UGGT1: variants seen among roughly 807,000 people sequenced by gnomAD.
The protein encoded by UGGT1 is UDP-glucose:glycoprotein glucosyltransferase 1.
In UGGT1, 107 loss-of-function variants were observed where a neutral mutation model predicts 203.9. The ratio of observed to expected loss-of-function variants is 0.52; its 90% confidence interval spans 0.45 to 0.62. UGGT1 has a LOEUF of 0.62. Ranked by LOEUF, UGGT1 falls within the 20% of genes least tolerant of loss-of-function variation. The pLI, the probability that UGGT1 is intolerant of heterozygous loss-of-function variation, is 0.00. For synonymous variants in UGGT1, 628 were observed against 653.5 expected (o/e 0.96, Z 0.59); for missense variants, 1,673 against 1,867.2 (o/e 0.90, Z 1.92).
At chr2:128,167,609 A>G (rs539693645) in intron 26 of UGGT1, among the ~76,000 whole-genome samples, 11 of 152,226 alleles carry the variant, frequency 7.2e-5, no homozygotes, top group Admixed American at 5.9e-4. Context: ...TACTAAGCAC[A>G]GTATTCGTTG....
At chr2:128,097,340 A>C in intron 1 of UGGT1, 89 bp from the exon 2 acceptor site, 1 of 1,458,598 alleles carries the variant, frequency 6.9e-7, no homozygotes, top group Non-Finnish European at 9.2e-7. Context: ...GCACCACTGC[A>C]CTCCAGCCTG....
chr2:128,102,409 G>A (rs1260904142), intron 2 of UGGT1, among the ~76,000 whole-genome samples: 2 of 152,124 alleles, frequency 1.3e-5, no homozygotes, highest in East Asian at 3.9e-4. Flanking sequence ...CTCCCAAAGT[G>A]CTGGGATTAC....
rs999775570 is a variant in UGGT1 at position 128,176,882 on chromosome 2, A to G, written c.3608A>G (p.Lys1203Arg). The G allele has an allele frequency of 2.1e-5, 34 of 1,613,978 alleles. 1 individual carries two copies. Among genetic ancestry groups the G allele is most frequent in the Admixed American group, 1.2e-4 (7 of 59,990 alleles). Residue 1203 changes from lysine (K) to arginine (R), a missense_variant, in exon 32 of 41, where the codon AAA becomes AGA. Around this residue, in one of 4 missense-constraint regions of UGGT1, gnomAD observed 513 missense variants for 684.1 expected, o/e 0.75. Transcript: ENST00000259253. Reference protein sequence around the residue: ...VVIVLNNFKSKIIKVKVQKKA... With the variant: ...VVIVLNNFKSRIIKVKVQKKA... ...ATCGTCCTCAACAACTTCAAAAGCA[A>G]AATTATTAAAGTGAAGGTGAGTTTG...
rs377124480 is a variant in UGGT1 at position 128,091,226 on chromosome 2, G to T, written c.-132G>T. Reference sequence around the variant, plus strand: ...GCTGGGCAATTGCTTTGCGAGGCTGGGTGTTGAGTCGAGCCGCGGGAAAGG... The same window carrying T: ...GCTGGGCAATTGCTTTGCGAGGCTGTGTGTTGAGTCGAGCCGCGGGAAAGG... On this transcript the variant is annotated 5_prime_UTR_variant, in exon 1 of 41. Transcript: ENST00000259253. 8.0e-6 allele frequency: 8 copies of T among 994,894 alleles called. No homozygotes were observed. Among genetic ancestry groups the T allele is most frequent in the East Asian group, 6.2e-5 (2 of 32,054 alleles). The allele number at this position is 994,894 out of a possible 1,614,324, so 61.6% of individuals were successfully genotyped here.
intron 19 of UGGT1, among the ~76,000 whole-genome samples, chr2:128,154,614 C>T (rs958711334): frequency 2.6e-5 from 4 of 152,174 alleles, no homozygotes; most frequent in East Asian, 1.9e-4. Flanking sequence ...CCTTCCCCCA[C>T]GTGATATCAT....
chr2:128,110,520 A>G (rs1312741809), intron 5 of UGGT1, among the ~76,000 whole-genome samples: 3 of 152,314 alleles, frequency 2.0e-5, no homozygotes, highest in East Asian at 1.9e-4. Context: ...ACATTCAGAA[A>G]TGGCTGCATG....
intron 1 of UGGT1, among the ~76,000 whole-genome samples, chr2:128,093,157 C>G (rs1686949029): frequency 2.0e-5 from 3 of 152,082 alleles, no homozygotes; most frequent in African/African-American, 7.2e-5. Flanking sequence ...CTCCTTTTTT[C>G]ATCTCAAATG....
chr2:128,164,374 G>C (rs1690677610), intron 25 of UGGT1, among the ~76,000 whole-genome samples: 3 of 152,222 alleles, frequency 2.0e-5, no homozygotes, highest in Admixed American at 2.0e-4. Context: ...TTATTTTCCA[G>C]TGAATTATTA....
intron 39 of UGGT1, 26 bp from the exon 40 acceptor site, chr2:128,187,423 T>A (rs760381731): frequency 6.2e-7 from 1 of 1,607,362 alleles, no homozygotes; most frequent in South Asian, 1.1e-5. Flanking sequence ...TCAACTCAGC[T>A]GAAGTGTGTT....
At chr2:128,116,517 A>G (rs1287921349) in intron 8 of UGGT1, among the ~76,000 whole-genome samples, 174 bp downstream of exon 8, 1 of 151,852 alleles carries the variant, frequency 6.6e-6, no homozygotes, top group African/African-American at 2.4e-5. Flanking sequence ...AGTACAGTTT[A>G]TGATTTCACA....
Position 128,164,793 on chromosome 2 carries a change from A to G in UGGT1, c.2889A>G (p.Arg963=). The change falls in exon 26 of 41, where the codon AGA becomes AGG. Residue 963 remains arginine (R), a synonymous_variant. Coordinates refer to ENST00000259253, the MANE Select transcript of UGGT1 (RefSeq NM_020120.4). Reference sequence around the variant, plus strand: ...CAGCGCAACCAAAAGGAGATCCAAGAATCGAGTACCAGTTTTTTGAAGACA... The same window carrying G: ...CAGCGCAACCAAAAGGAGATCCAAGGATCGAGTACCAGTTTTTTGAAGACA... The part of the protein sequence containing the change: ...LLSAQPKGDP[R]IEYQFFEDRH... 6.2e-7 allele frequency: 1 copy of G among 1,609,318 alleles called. No homozygotes were observed. The highest frequency in any genetic ancestry group is 1.1e-5 in the South Asian group (1 of 90,060).
At chr2:128,168,875 C>T (rs1041661922) in intron 26 of UGGT1, among the ~76,000 whole-genome samples, 3 of 150,500 alleles carry the variant, frequency 2.0e-5, no homozygotes, top group African/African-American at 7.3e-5. Context: ...GGCAAAACAC[C>T]GTCTCTACTA....
chr2:128,097,159 G>A lies in UGGT1; in HGVS notation c.59-270G>A, dbSNP rs1023862316. 1.3e-5 allele frequency among the ~76,000 whole-genome samples: 2 copies of A among 152,184 alleles called. 1 individual carries two copies. Among genetic ancestry groups the A allele is most frequent in the South Asian group, 4.2e-4 (2 of 4,808 alleles). On this transcript the variant is annotated intron_variant, in intron 1 of 40. Coordinates refer to ENST00000259253, the MANE Select transcript of UGGT1 (RefSeq NM_020120.4). ...TGGGAGGCTGAGGCGGGCAGATCACGAGGTCAGGAGTTTGAGACCAGCCTG... is the reference window on the plus strand; with the variant it reads ...TGGGAGGCTGAGGCGGGCAGATCACAAGGTCAGGAGTTTGAGACCAGCCTG...
intron 2 of UGGT1, among the ~76,000 whole-genome samples, chr2:128,100,275 G>T (rs1450134303): frequency 6.6e-6 from 1 of 152,152 alleles, no homozygotes; most frequent in Non-Finnish European, 1.5e-5. Context: ...CTGACCTCAG[G>T]TGATCTGCCC....
At position 128,174,295 on chromosome 2, in the gene UGGT1, C is replaced by A. The variant is rs185022587; in HGVS notation, c.3453+356C>A. ...GCAGATGATTTATTGGTGTGACTGG[C>A]CTTTATTGTACTAGTTTTTTTTTTT... On this transcript the variant is annotated intron_variant, in intron 30 of 40. Transcript: ENST00000259253. 3.0e-4 allele frequency among the ~76,000 whole-genome samples: 46 copies of A among 151,646 alleles called. 1 individual carries two copies. The highest frequency in any genetic ancestry group is 2.7e-3 in the Admixed American group (41 of 15,218).
intron 12 of UGGT1, among the ~76,000 whole-genome samples, chr2:128,128,025 G>A (rs752167526): frequency 6.6e-6 from 1 of 151,994 alleles, no homozygotes; most frequent in Non-Finnish European, 1.5e-5. Context: ...AGTGAGCTGA[G>A]ATTGCACCCC....
intron 6 of UGGT1, among the ~76,000 whole-genome samples, chr2:128,113,578 C>T (rs1053487769): frequency 6.6e-6 from 1 of 152,128 alleles, no homozygotes; most frequent in African/African-American, 2.4e-5. Flanking sequence ...GTTTCCTTTC[C>T]AACCTTTTTT....
intron 13 of UGGT1, 70 bp downstream of exon 13, chr2:128,129,249 T>A: frequency 6.6e-7 from 1 of 1,519,680 alleles, no homozygotes; most frequent in Non-Finnish European, 8.8e-7. Flanking sequence ...CTGATTTGTC[T>A]CTTATGAGGG....
At position 128,143,075 on chromosome 2, in the gene UGGT1, C is replaced by A. The variant is rs1443574698; in HGVS notation, c.1720-19C>A. On this transcript the variant is annotated intron_variant, in intron 16 of 40. Coordinates refer to ENST00000259253, the MANE Select transcript of UGGT1 (RefSeq NM_020120.4). Reference sequence around the variant, plus strand: ...TGAACTTAAAAGTGTAGTTAACCAACTGTTTTTTCTTTCTTCAGATCTATA... The same window carrying A: ...TGAACTTAAAAGTGTAGTTAACCAAATGTTTTTTCTTTCTTCAGATCTATA... 3.2e-6 allele frequency: 5 copies of A among 1,565,812 alleles called. No individual in the cohort carries two copies. The highest frequency in any genetic ancestry group is 1.7e-4 in the Middle Eastern group (1 of 5,852).
Sources: allele counts gnomAD v4.1 joint callset (sites outside exome capture counted in the v4.1 genomes callset), GRCh38; gene constraint gnomAD v4.1.1; regional missense constraint gnomAD v4.1.1; transcripts MANE v1.5; gene names NCBI Gene and HGNC (gene_info 2026-07-23, HGNC 2026-07-21).